Variants in PLCB4 observed in about 807,000 individuals in gnomAD.
PLCB4 encodes phospholipase C beta 4, also known as 1-phosphatidylinositol 4,5-bisphosphate phosphodiesterase beta-4.
Under a neutral mutation model 178.8 loss-of-function variants are expected in PLCB4, and 77 were observed. The ratio of observed to expected loss-of-function variants is 0.43; its 90% CI spans 0.36 to 0.52. PLCB4 has a LOEUF of 0.52. Among genes scored for constraint, PLCB4 ranks in the 20% least tolerant of loss-of-function variants. PLCB4 has a pLI of 0.00. For missense variants in PLCB4, 1,024 were observed against 1,453.4 expected, an observed-to-expected ratio of 0.70 and a Z score of 4.80; for synonymous variants, 496 against 490.8, an observed-to-expected ratio of 1.01 and a Z score of -0.14.
At chr20:9,163,282 G>T (rs949863712) in intron 2 of PLCB4, among the ~76,000 whole-genome samples, 3 of 152,178 alleles carry the variant, frequency 2.0e-5, no homozygotes, top group African/African-American at 7.2e-5. Context: ...AAAGTGGGGG[G>T]AAATTTTTCA....
intron 4 of PLCB4, among the ~76,000 whole-genome samples, chr20:9,321,240 A>C (rs933246452): frequency 6.6e-6 from 1 of 152,198 alleles, no homozygotes; most frequent in Non-Finnish European, 1.5e-5. Context: ...AGCTTAGGTC[A>C]CTTAAGAATT....
At chr20:9,470,686 G>A (rs2044130509) in intron 36 of PLCB4, among the ~76,000 whole-genome samples, 1 of 152,142 alleles carries the variant, frequency 6.6e-6, no homozygotes, top group South Asian at 2.1e-4. Flanking sequence ...CTTATTTGTT[G>A]TAACTTTCTA....
intron 32 of PLCB4, among the ~76,000 whole-genome samples, chr20:9,448,322 G>C (rs2042541360): frequency 6.6e-6 from 1 of 152,082 alleles, no homozygotes; most frequent in Non-Finnish European, 1.5e-5. Flanking sequence ...TGGAGCTAAG[G>C]CTTACCACCC....
At chr20:9,122,344 GT>G (rs201259127) in intron 2 of PLCB4, among the ~76,000 whole-genome samples, 1 of 149,978 alleles carries the variant, frequency 6.7e-6, no homozygotes, top group Non-Finnish European at 1.5e-5. Flanking sequence ...ATACAATCCT[GT>G]TTTTTTTTCT....
rs1190046705 is a variant in PLCB4, at chr20:9,419,841, G to T, written c.2086G>T (p.Asp696Tyr). The change falls in exon 26 of 40, where the codon GAT becomes TAT. Residue 696 changes from aspartate (D) to tyrosine (Y), a missense_variant. Physicochemically the swap from Asp to Tyr is radical, Grantham distance 160 (BLOSUM62 -3). Around this residue, in one of 7 missense-constraint regions of PLCB4, gnomAD observed 227 missense variants for 374.3 expected, o/e 0.61. Coordinates refer to ENST00000378473, the MANE Select transcript of PLCB4 (RefSeq NM_001377142.1). The stretch of plus-strand genomic sequence containing the variant: ...CAAACCAGATTTCATGAGGCGGCCT[G>T]ATCGAACATTTGACCCCTTCTCTGA... ...LLKPDFMRRPDRTFDPFSETP... is the reference protein window; with the variant it reads ...LLKPDFMRRPYRTFDPFSETP... 2 of 1,614,060 alleles carry T rather than the reference G, an allele frequency of 1.2e-6. No individual in the cohort carries two copies. The highest frequency in any genetic ancestry group is 3.3e-5 in the Admixed American group (2 of 60,018).
intron 12 of PLCB4, among the ~76,000 whole-genome samples, chr20:9,376,746 T>G (rs1215086920): frequency 6.6e-6 from 1 of 152,150 alleles, no homozygotes; most frequent in African/African-American, 2.4e-5. Flanking sequence ...AGATGATAAC[T>G]AGGGTCCTGC....
chr20:9,238,601 G>A (rs2094020550), intron 3 of PLCB4, among the ~76,000 whole-genome samples: 1 of 152,202 alleles, frequency 6.6e-6, no homozygotes, highest in Non-Finnish European at 1.5e-5. Context: ...TGCAATACCT[G>A]TGTCTGTGAT....
chr20:9,291,567 T>C (rs2094580031), intron 3 of PLCB4, among the ~76,000 whole-genome samples: 2 of 152,168 alleles, frequency 1.3e-5, no homozygotes, highest in Admixed American at 1.3e-4. Context: ...ATAATGTGCA[T>C]GTATAAAAAA....
intron 1 of PLCB4, among the ~76,000 whole-genome samples, chr20:9,072,902 A>T (rs1041933822): frequency 6.6e-6 from 1 of 152,210 alleles, no homozygotes; most frequent in Non-Finnish European, 1.5e-5. Context: ...TGAAATGGAC[A>T]TAAATCCAAG....
intron 1 of PLCB4, among the ~76,000 whole-genome samples, chr20:9,081,471 C>T (rs1311321271): frequency 6.6e-6 from 1 of 152,166 alleles, no homozygotes. Flanking sequence ...TATGACTTTG[C>T]ACTCAATCCC....
intron 3 of PLCB4, among the ~76,000 whole-genome samples, chr20:9,223,367 A>G (rs1470179113): frequency 6.6e-6 from 1 of 152,186 alleles, no homozygotes; most frequent in African/African-American, 2.4e-5. Flanking sequence ...ATTGTTGTGT[A>G]AGAAGTCACT....
chr20:9,445,539 G>A (rs2042364278), intron 32 of PLCB4, among the ~76,000 whole-genome samples: 1 of 152,172 alleles, frequency 6.6e-6, no homozygotes, highest in Non-Finnish European at 1.5e-5. Flanking sequence ...TTCTTTAAGA[G>A]TTTATCCTAA....
intron 2 of PLCB4, among the ~76,000 whole-genome samples, chr20:9,136,028 G>C (rs1254088905): frequency 6.6e-6 from 1 of 152,102 alleles, no homozygotes; most frequent in Non-Finnish European, 1.5e-5. Context: ...CCAAGCTGGG[G>C]ACTAGAAGTC....
chr20:9,320,879 G>C (rs988278580), intron 4 of PLCB4, among the ~76,000 whole-genome samples: 1 of 152,120 alleles, frequency 6.6e-6, no homozygotes, highest in Non-Finnish European at 1.5e-5. Flanking sequence ...AGAAACTCTG[G>C]GGGGAGGGTC....
At chr20:9,145,963 A>G (rs73609442) in intron 2 of PLCB4, among the ~76,000 whole-genome samples, 4,075 of 152,216 alleles carry the variant, frequency 0.027, 167 homozygotes, top group African/African-American at 0.091. Flanking sequence ...GTGGTTAAGC[A>G]ATGAGGAAGA....
chr20:9,186,656 C>T (rs1333279591), intron 2 of PLCB4, among the ~76,000 whole-genome samples: 8 of 152,136 alleles, frequency 5.3e-5, no homozygotes, highest in Admixed American at 2.6e-4. Context: ...ATGTGCCAAA[C>T]GAGCTGCTGC....
intron 3 of PLCB4, among the ~76,000 whole-genome samples, chr20:9,232,315 T>A (rs1370907244): frequency 6.6e-6 from 1 of 152,160 alleles, no homozygotes; most frequent in Non-Finnish European, 1.5e-5. Flanking sequence ...ATTGCCTATG[T>A]TTCTTGTAAT....
intron 3 of PLCB4, among the ~76,000 whole-genome samples, chr20:9,231,576 G>A (rs1265322382): frequency 6.6e-6 from 1 of 152,046 alleles, no homozygotes; most frequent in Non-Finnish European, 1.5e-5. Context: ...CCTCGTTGTG[G>A]GATAGTGCAC....
intron 7 of PLCB4, among the ~76,000 whole-genome samples, chr20:9,357,971 T>C (rs934869985): frequency 3.3e-5 from 5 of 152,224 alleles, no homozygotes; most frequent in Non-Finnish European, 5.9e-5. Context: ...CTGGGGATCA[T>C]GCTAAAATGC....
Sources: allele counts gnomAD v4.1 joint callset (sites outside exome capture counted in the v4.1 genomes callset), GRCh38; gene constraint gnomAD v4.1.1; regional missense constraint gnomAD v4.1.1; transcripts MANE v1.5; gene names NCBI Gene and HGNC (gene_info 2026-07-23, HGNC 2026-07-21).